RANBP17: variants seen among roughly 807,000 people sequenced by gnomAD.
The protein encoded by RANBP17 is ran-binding protein 17.
Under a neutral mutation model 141.2 loss-of-function variants are expected in RANBP17, and 158 were observed. That is an observed-to-expected ratio of 1.12 (90% CI 0.98 to 1.28). The LOEUF (loss-of-function observed/expected upper bound fraction) is 1.28, where lower values mean the gene tolerates loss of function less well. RANBP17 is among the 50% of genes most tolerant of loss of function. The pLI, the probability that RANBP17 is intolerant of heterozygous loss-of-function variation, is 0.00. For synonymous variants in RANBP17, 430 were observed against 450.0 expected (o/e 0.96, Z 0.56); for missense variants, 1,438 against 1,290.7 (o/e 1.11, Z -1.75).
At chr5:170,916,185 G>T (rs1771941796) in intron 8 of RANBP17, among the ~76,000 whole-genome samples, 9 of 56,486 alleles carry the variant, frequency 1.6e-4, no homozygotes, top group East Asian at 7.5e-4. Context: ...GCATTATAAT[G>T]CGTTATATTC....
intron 8 of RANBP17, 143 bp downstream of exon 8, chr5:170,914,383 G>A: frequency 3.3e-6 from 2 of 604,682 alleles, no homozygotes. Context: ...GATGTATACT[G>A]CTTAAACTAT....
At position 171,012,016 on chromosome 5, in the gene RANBP17, T is replaced by C. The variant is rs560181581; in HGVS notation, c.1710+43639T>C. 9.8e-4 allele frequency among the ~76,000 whole-genome samples: 148 copies of C among 151,794 alleles called. 2 individuals are homozygous for C. Among genetic ancestry groups the C allele is most frequent in the African/African-American group, 3.3e-3 (136 of 41,520 alleles). ...CTGGTTATTGCCTCAGTAATATATT[T>C]GTTTAAACAAATAATATATTTGTTT... On this transcript the variant is annotated intron_variant, in intron 14 of 27. Coordinates refer to ENST00000523189, the MANE Select transcript of RANBP17 (RefSeq NM_022897.5).
In RANBP17 at chr5:170,961,582, C is replaced by T. The variant is rs376198528; in HGVS notation, c.1575-6660C>T. 4.1e-4 allele frequency among the ~76,000 whole-genome samples: 62 copies of T among 152,190 alleles called. 1 individual carries two copies. The South Asian group carries it at 0.012, about 31-fold the overall frequency. ...AAACAGTTTGAGCATCAACATGAAT[C>T]TCAAAGGTCATGCTTAAAGGAAATG... On this transcript the variant is annotated intron_variant, in intron 13 of 27. Coordinates refer to ENST00000523189, the MANE Select transcript of RANBP17 (RefSeq NM_022897.5).
chr5:171,102,486 A>C (rs1197967601), intron 14 of RANBP17, among the ~76,000 whole-genome samples: 2 of 151,918 alleles, frequency 1.3e-5, no homozygotes, highest in Non-Finnish European at 2.9e-5. Flanking sequence ...TCTAGTTAGC[A>C]ATTCCTCTAA....
intron 14 of RANBP17, among the ~76,000 whole-genome samples, chr5:170,986,339 T>A (rs912511366): frequency 1.3e-5 from 2 of 152,022 alleles, no homozygotes; most frequent in East Asian, 3.9e-4. Flanking sequence ...TGTTTAGATC[T>A]TTTTTGTGGA....
At chr5:170,909,215 T>C (rs989929362) in intron 5 of RANBP17, among the ~76,000 whole-genome samples, 2 of 151,914 alleles carry the variant, frequency 1.3e-5, no homozygotes, top group African/African-American at 2.4e-5. Flanking sequence ...ATCAAAGATA[T>C]ATGAACTAAT....
At chr5:170,981,555 G>A (rs939065291) in intron 14 of RANBP17, among the ~76,000 whole-genome samples, 1 of 151,994 alleles carries the variant, frequency 6.6e-6, no homozygotes, top group Non-Finnish European at 1.5e-5. Flanking sequence ...TTCCTGCACA[G>A]GCTCTCATTT....
chr5:171,256,607 A>G (rs1274001210), intron 24 of RANBP17, among the ~76,000 whole-genome samples: 1 of 152,174 alleles, frequency 6.6e-6, no homozygotes, highest in Non-Finnish European at 1.5e-5. Context: ...AATAAAAAAT[A>G]CAAAGGATCA....
rs10063315 is a variant in RANBP17, at chr5:170,872,755, C to T, written c.19-5342C>T. ...ATTTTCTTGAAGGCATTTTCTGCAT[C>T]ATTCTATTTTTCTGCATCATTCTAT... On this transcript the variant is annotated intron_variant, in intron 1 of 27. Coordinates refer to ENST00000523189, the MANE Select transcript of RANBP17 (RefSeq NM_022897.5). 4.0e-3 allele frequency among the ~76,000 whole-genome samples: 602 copies of T among 152,130 alleles called. 3 individuals carry two copies. Among genetic ancestry groups the T allele is most frequent in the African/African-American group, 0.014 (567 of 41,496 alleles).
chr5:170,978,080 A>C (rs1241659541), intron 14 of RANBP17, among the ~76,000 whole-genome samples: 1 of 152,134 alleles, frequency 6.6e-6, no homozygotes, highest in African/African-American at 2.4e-5. Flanking sequence ...AAGGTATCTA[A>C]ATGGCCAATA....
chr5:170,965,407 A>G (rs1435184567), intron 13 of RANBP17, among the ~76,000 whole-genome samples: 1 of 151,902 alleles, frequency 6.6e-6, no homozygotes, highest in Non-Finnish European at 1.5e-5. Flanking sequence ...GTTTAATTAG[A>G]TCCCATTTGT....
At chr5:171,079,354 G>A (rs564416917) in intron 14 of RANBP17, among the ~76,000 whole-genome samples, 65 of 152,318 alleles carry the variant, frequency 4.3e-4, no homozygotes, top group African/African-American at 1.5e-3. Context: ...TGCCGTGAAC[G>A]TTGTTGAAAT....
At chr5:170,881,140 T>C (rs1768643210) in intron 2 of RANBP17, among the ~76,000 whole-genome samples, 1 of 152,174 alleles carries the variant, frequency 6.6e-6, no homozygotes, top group East Asian at 1.9e-4. Flanking sequence ...TGTTTAAAAT[T>C]GCAAAAAACA....
intron 14 of RANBP17, among the ~76,000 whole-genome samples, chr5:170,969,374 A>G (rs575166306): frequency 8.9e-4 from 135 of 152,058 alleles, no homozygotes; most frequent in African/African-American, 3.1e-3. Flanking sequence ...AAGAGTAGCT[A>G]GAAATAAATG....
At chr5:171,101,909 T>C (rs1391948057) in intron 14 of RANBP17, among the ~76,000 whole-genome samples, 2 of 152,244 alleles carry the variant, frequency 1.3e-5, no homozygotes, top group Admixed American at 6.5e-5. Flanking sequence ...TTGAAGAATG[T>C]TGAATGTTGG....
intron 14 of RANBP17, among the ~76,000 whole-genome samples, chr5:171,010,467 T>C (rs565900954): frequency 2.6e-5 from 4 of 152,318 alleles, no homozygotes; most frequent in South Asian, 4.1e-4. Context: ...CATTATTTTC[T>C]GGAGGAAGCT....
At chr5:170,933,672 C>A (rs1773598698) in intron 12 of RANBP17, among the ~76,000 whole-genome samples, 1 of 152,136 alleles carries the variant, frequency 6.6e-6, no homozygotes, top group Non-Finnish European at 1.5e-5. Context: ...TCGTTATGTA[C>A]CCAGTAGTCA....
chr5:171,227,660 A>T (rs1407382154), intron 22 of RANBP17, among the ~76,000 whole-genome samples: 6 of 152,252 alleles, frequency 3.9e-5, no homozygotes, highest in Non-Finnish European at 8.8e-5. Flanking sequence ...TTGGAAGAAG[A>T]TGCCATCTAG....
intron 18 of RANBP17, among the ~76,000 whole-genome samples, chr5:171,191,559 T>C (rs1433494729): frequency 2.6e-5 from 4 of 151,586 alleles, no homozygotes; most frequent in East Asian, 3.9e-4. Context: ...TCATGGCGGG[T>C]CTCTGTAGTC....
Sources: gnomAD v4.1 joint callset for allele counts (sites outside exome capture counted in the v4.1 genomes callset) on GRCh38, gnomAD v4.1.1 for gene constraint, MANE v1.5 for transcripts, NCBI Gene and HGNC (gene_info 2026-07-23, HGNC 2026-07-21) for gene names.